The following BTNL3 variants were observed in gnomAD, a reference collection of about 807,000 sequenced individuals.
The protein encoded by BTNL3 is butyrophilin like 3.
A neutral mutation model predicts 40.1 loss-of-function variants in BTNL3; 20 were observed. The ratio of observed to expected loss-of-function variants is 0.50; its 90% CI spans 0.35 to 0.72. The LOEUF is 0.72. BTNL3 is among the 30% of genes least tolerant of loss of function. BTNL3 has a pLI of 0.01. For missense variants in BTNL3, 449 were observed against 582.2 expected (o/e 0.77, Z 2.35); for synonymous variants, 179 against 222.1 (o/e 0.81, Z 1.73).
intron 4 of BTNL3, 43 bp from the exon 5 acceptor site, chr5:181,003,813 C>A: frequency 6.2e-7 from 1 of 1,613,568 alleles, no homozygotes; most frequent in Non-Finnish European, 8.5e-7. Flanking sequence ...TTGTACCTTG[C>A]ACACTCCTGT....
chr5:180,996,090 C>A lies in BTNL3; in HGVS notation c.398-1123C>A, dbSNP rs921122741. Reference sequence around the variant, plus strand: ...CCCTAGGGAATGACAGAGTACAACACTCAGAGAGGAAGTTCTGTTTGGAGT... The same window carrying A: ...CCCTAGGGAATGACAGAGTACAACAATCAGAGAGGAAGTTCTGTTTGGAGT... On this transcript the variant is annotated intron_variant, in intron 2 of 7. Coordinates refer to ENST00000342868, the MANE Select transcript of BTNL3 (RefSeq NM_197975.3). 1.5e-5 allele frequency among the ~76,000 whole-genome samples: 2 copies of A among 136,424 alleles called. 1 individual carries two copies. Among genetic ancestry groups the A allele is most frequent in the Non-Finnish European group, 3.3e-5 (2 of 59,722 alleles). 89.5% of individuals were successfully genotyped at this position (136,424 alleles called of 152,430 possible). A position where few individuals can be genotyped will look rare whatever the true frequency, so the allele number is the denominator to read the frequency against.
At chr5:180,992,053 GTAC>G (rs1759977633) in intron 1 of BTNL3, among the ~76,000 whole-genome samples, 1 of 137,524 alleles carries the variant, frequency 7.3e-6, no homozygotes, top group Non-Finnish European at 1.7e-5. Flanking sequence ...GCTAGACGAA[GTAC>G]TATTCAAGCA....
chr5:181,002,618 A>G lies in BTNL3; in HGVS notation c.674-54A>G, dbSNP rs577027611. Reference sequence around the variant, plus strand: ...ACTGGGGGATTCCTTAAATGGGCGTAAAATTGTCTTACCTGCTTAGCTATC... The same window carrying G: ...ACTGGGGGATTCCTTAAATGGGCGTGAAATTGTCTTACCTGCTTAGCTATC... On this transcript the variant is annotated intron_variant, in intron 3 of 7. Coordinates refer to ENST00000342868, the MANE Select transcript of BTNL3 (RefSeq NM_197975.3). 5 of 1,411,230 alleles carry G rather than the reference A, an allele frequency of 3.5e-6. No homozygotes were observed. In the African/African-American group the frequency reaches 7.2e-5, roughly 20 times the overall value. The allele number at this position is 1,411,230 out of a possible 1,614,324, so 87.4% of individuals were successfully genotyped here. A position where few individuals can be genotyped will look rare whatever the true frequency, so the allele number is the denominator to read the frequency against.
At position 181,005,605 on chromosome 5, in the gene BTNL3, G is replaced by C; in HGVS notation, c.1134G>C (p.Trp378Cys). ...CTTTGTCTCCCAACAATGGGTATTG[G>C]GTCCTCAGACTGACAACAGAACATT... ...NVTLSPNNGY[W>C]VLRLTTEHLY... The change falls in exon 8 of 8, where the codon TGG becomes TGC. Residue 378 changes from tryptophan (W) to cysteine (C), a missense_variant. Trp to Cys is a radical substitution (Grantham distance 215, BLOSUM62 -2). Coordinates refer to ENST00000342868, the MANE Select transcript of BTNL3 (RefSeq NM_197975.3). 6.2e-7 allele frequency: 1 copy of C among 1,613,862 alleles called. No individual in the cohort carries two copies. Among genetic ancestry groups the C allele is most frequent in the Non-Finnish European group, 8.5e-7 (1 of 1,179,952 alleles).
chr5:181,005,982 G>GGA lies in BTNL3; in HGVS notation c.*110_*111insGA. The GGA allele has an allele frequency of 8.2e-7, 1 of 1,226,100 alleles. No individual in the cohort carries two copies. Among genetic ancestry groups the GGA allele is most frequent in the Non-Finnish European group, 1.1e-6 (1 of 898,032 alleles). 76.0% of individuals were successfully genotyped at this position (1,226,100 alleles called of 1,614,324 possible). ...TTCCTCTCCGGAGCCTGCGCACAGA[G>GGA]AGTCACGCCCCCCACTCTCCTTTAG... On this transcript the variant is annotated 3_prime_UTR_variant, in exon 8 of 8. Transcript: ENST00000342868.
In BTNL3 at chr5:181,005,774, T is replaced by C. The variant is rs1169001856; in HGVS notation, c.1303T>C (p.Cys435Arg). The change falls in exon 8 of 8, where the codon TGT becomes CGT. Residue 435 changes from cysteine to arginine, a missense_variant. Physicochemically the swap from Cys to Arg is radical, Grantham distance 180. Coordinates refer to ENST00000342868, the MANE Select transcript of BTNL3 (RefSeq NM_197975.3). ...GTCCCTTATTTATACCCTGCTGACATGTCAGTTTGAAGGCTTGTTGAGACC... is the reference window on the plus strand; with the variant it reads ...GTCCCTTATTTATACCCTGCTGACACGTCAGTTTGAAGGCTTGTTGAGACC... ...DQSLIYTLLT[C>R]QFEGLLRPYI... 8 of 1,613,984 alleles carry C rather than the reference T, an allele frequency of 5.0e-6. No homozygotes were observed. Among genetic ancestry groups the C allele is most frequent in the African/African-American group, 1.3e-5 (1 of 74,908 alleles).
chr5:181,005,184 C>T, intron 7 of BTNL3, 150 bp from the exon 8 acceptor site: 5 of 1,378,518 alleles, frequency 3.6e-6, no homozygotes, highest in Non-Finnish European at 4.9e-6. Context: ...GGCACGGGGG[C>T]TGCCCTGGAG....
chr5:180,995,865 T>A (rs1460192397), intron 2 of BTNL3, among the ~76,000 whole-genome samples: 2 of 135,490 alleles, frequency 1.5e-5, no homozygotes, highest in African/African-American at 5.1e-5. Context: ...TAGTCAGTCC[T>A]CCTTAGTCTT....
At position 180,997,228 on chromosome 5, in the gene BTNL3, C is replaced by T. The variant is rs1216971762; in HGVS notation, c.413C>T (p.Pro138Leu). The change falls in exon 3 of 8, where the codon CCT (proline) becomes CTT (leucine). Residue 138 changes from proline (P) to leucine (L), a missense_variant. This residue lies in a region of BTNL3 where 323 missense variants were observed against 464.9 expected (regional missense o/e 0.69). Transcript: ENST00000342868. Reference sequence around the variant, plus strand: ...TTCTTCCCAGCACTGGGCTCACTTCCTCTCATTTCCATCGTGGGATATGTT... The same window carrying T: ...TTCTTCCCAGCACTGGGCTCACTTCTTCTCATTTCCATCGTGGGATATGTT... ...ELRVAALGSL[P>L]LISIVGYVDG... 1 of 1,464,316 alleles carries T rather than the reference C, an allele frequency of 6.8e-7. No individual in the cohort carries two copies. Among genetic ancestry groups the T allele is most frequent in the African/African-American group, 1.4e-5 (1 of 72,824 alleles). The allele number at this position is 1,464,316 out of a possible 1,614,324, so 90.7% of individuals were successfully genotyped here.
rs35453084 is a variant in BTNL3, at chr5:181,002,345, G to GACAC, written c.674-308_674-305dup. On this transcript the variant is annotated intron_variant, in intron 3 of 7. Coordinates refer to ENST00000342868, the MANE Select transcript of BTNL3 (RefSeq NM_197975.3). The stretch of plus-strand genomic sequence containing the variant: ...TTGAACTTCTGCCTCATTAGACATA[G>GACAC]ACACACACACACACACACACACGTG... Among the ~76,000 whole-genome samples, 14 of 81,644 alleles carry GACAC rather than the reference G, an allele frequency of 1.7e-4. 1 individual carries two copies. The highest frequency in any genetic ancestry group is 2.5e-4 in the Non-Finnish European group (9 of 36,654). 53.6% of individuals were successfully genotyped at this position (81,644 alleles called of 152,430 possible).
intron 2 of BTNL3, among the ~76,000 whole-genome samples, chr5:180,993,733 A>G (rs1434268458): frequency 4.4e-5 from 6 of 137,382 alleles, no homozygotes; most frequent in African/African-American, 1.5e-4. Context: ...TTCTATATAC[A>G]TAAGCACTAT....
intron 5 of BTNL3, among the ~76,000 whole-genome samples, chr5:181,004,200 T>C (rs1454056836): frequency 1.3e-5 from 2 of 151,012 alleles, no homozygotes; most frequent in African/African-American, 4.8e-5. Context: ...GAGAAAAATT[T>C]GTGGGTGATC....
In BTNL3 at chr5:181,002,740, T is replaced by C; in HGVS notation, c.742T>C (p.Cys248Arg). 6.9e-7 allele frequency: 1 copy of C among 1,454,496 alleles called. No individual in the cohort carries two copies. The highest frequency in any genetic ancestry group is 9.5e-7 in the Non-Finnish European group (1 of 1,054,410). 90.1% of individuals were successfully genotyped at this position (1,454,496 alleles called of 1,614,324 possible). The change falls in exon 4 of 8, where the codon TGT becomes CGT. Residue 248 changes from cysteine to arginine, a missense_variant. Physicochemically the swap from Cys to Arg is radical, Grantham distance 180. Around this residue, in one of 2 missense-constraint regions of BTNL3, gnomAD observed 323 missense variants for 464.9 expected, o/e 0.69. Coordinates refer to ENST00000342868, the MANE Select transcript of BTNL3 (RefSeq NM_197975.3). ...ILLGLLCGALCGVVMGMIIVF... is the reference protein window; with the variant it reads ...ILLGLLCGALRGVVMGMIIVF... ...ACTCGGGTTACTCTGTGGTGCCCTGTGTGGTGTTGTCATGGGGATGATAAT... is the reference window on the plus strand; with the variant it reads ...ACTCGGGTTACTCTGTGGTGCCCTGCGTGGTGTTGTCATGGGGATGATAAT...
At position 181,005,710 on chromosome 5, in the gene BTNL3, T is replaced by C. The variant is rs775198838; in HGVS notation, c.1239T>C (p.Tyr413=). The C allele has an allele frequency of 6.8e-6, 11 of 1,614,136 alleles. No homozygotes were observed. The Admixed American group carries it at 1.8e-4, about 27-fold the overall frequency. The change falls in exon 8 of 8, where the codon TAT becomes TAC. Residue 413 remains tyrosine (Y), a synonymous_variant. Transcript: ENST00000342868. ...CACGAGTAGGGGTCTTCCTGGACTATGAGGGTGGGACCATCTCCTTCTTCA... is the reference window on the plus strand; with the variant it reads ...CACGAGTAGGGGTCTTCCTGGACTACGAGGGTGGGACCATCTCCTTCTTCA... ...PPTRVGVFLD[Y]EGGTISFFNT...
At chr5:181,001,526 A>G (rs1410258263) in intron 3 of BTNL3, among the ~76,000 whole-genome samples, 1 of 130,104 alleles carries the variant, frequency 7.7e-6, no homozygotes, top group Non-Finnish European at 1.7e-5. Context: ...TTTGTTGCCT[A>G]GACTGGTCTC....
rs749897502 is a variant in BTNL3 at position 180,993,126 on chromosome 5, C to T, written c.363C>T (p.Tyr121=). 3.7e-5 allele frequency: 54 copies of T among 1,446,132 alleles called. 10 individuals carry two copies. Among genetic ancestry groups the T allele is most frequent in the South Asian group, 1.4e-4 (12 of 87,234 alleles). The allele number at this position is 1,446,132 out of a possible 1,614,324, so 89.6% of individuals were successfully genotyped here. A position where few individuals can be genotyped will look rare whatever the true frequency, so the allele number is the denominator to read the frequency against. ...LYGCWFSSQI[Y]DEEATWELRV... is the part of the protein sequence containing the mutation. The stretch of plus-strand genomic sequence containing the variant: ...GGTGCTGGTTCAGTTCCCAGATTTA[C>T]GATGAGGAGGCCACCTGGGAGCTGC... Residue 121 remains tyrosine (Y), a synonymous_variant, in exon 2 of 8, where the codon TAC becomes TAT. Transcript: ENST00000342868.
At position 180,999,058 on chromosome 5, in the gene BTNL3, C is replaced by T. The variant is rs1293127362; in HGVS notation, c.673+1570C>T. Among the ~76,000 whole-genome samples, 7 of 135,966 alleles carry T rather than the reference C, an allele frequency of 5.1e-5. 2 individuals carry two copies. Among genetic ancestry groups the T allele is most frequent in the Non-Finnish European group, 6.7e-5 (4 of 59,556 alleles). 89.2% of individuals were successfully genotyped at this position (135,966 alleles called of 152,430 possible). Reference sequence around the variant, plus strand: ...AGGAGAATTGCTTGAACCCGGGAGGCGGAGGTTGCGGTGAGCCGAGATCAT... The same window carrying T: ...AGGAGAATTGCTTGAACCCGGGAGGTGGAGGTTGCGGTGAGCCGAGATCAT... On this transcript the variant is annotated intron_variant, in intron 3 of 7. Coordinates refer to ENST00000342868, the MANE Select transcript of BTNL3 (RefSeq NM_197975.3).
chr5:181,000,693 CT>C (rs1760095835), intron 3 of BTNL3, among the ~76,000 whole-genome samples: 1 of 132,324 alleles, frequency 7.6e-6, no homozygotes, highest in Non-Finnish European at 1.7e-5. Context: ...GTAGTCCCAG[CT>C]ACTCGGGAGG....
chr5:181,000,981 A>G (rs1760101268), intron 3 of BTNL3, among the ~76,000 whole-genome samples: 1 of 135,954 alleles, frequency 7.4e-6, no homozygotes, highest in Non-Finnish European at 1.7e-5. Flanking sequence ...AGAAAGAAAA[A>G]AATTAAATGG....
Sources: allele counts gnomAD v4.1 joint callset (sites outside exome capture counted in the v4.1 genomes callset), GRCh38; gene constraint gnomAD v4.1.1; regional missense constraint gnomAD v4.1.1; transcripts MANE v1.5; gene names NCBI Gene and HGNC (gene_info 2026-07-23, HGNC 2026-07-21).